Variants in PYGL observed in about 807,000 individuals in gnomAD.
PYGL encodes the protein glycogen phosphorylase, liver form.
PYGL carries 90 observed loss-of-function variants against 100.1 expected under a neutral mutation model. The ratio of observed to expected loss-of-function variants is 0.90; its 90% confidence interval spans 0.76 to 1.07. The LOEUF (loss-of-function observed/expected upper bound fraction) is 1.07, where lower values mean the gene tolerates loss of function less well. PYGL is among the 50% of genes least tolerant of loss of function. The probability of loss-of-function intolerance (pLI) is 0.00; values close to 1 mark genes in which losing one functional copy is unlikely to be tolerated. For synonymous variants in PYGL, 373 were observed against 393.0 expected, an observed-to-expected ratio of 0.95 and a Z score of 0.60; for missense variants, 1,016 against 1,057.6, an observed-to-expected ratio of 0.96 and a Z score of 0.55.
chr14:50,910,025 T>G lies in PYGL; in HGVS notation c.2047A>C (p.Met683Leu), dbSNP rs762261694. 22 of 1,614,220 alleles carry G rather than the reference T, an allele frequency of 1.4e-5. No homozygotes were observed. Among genetic ancestry groups the G allele is most frequent in the Non-Finnish European group, 1.8e-5 (21 of 1,180,020 alleles). Residue 683 changes from methionine (M) to leucine (L), a missense_variant, in exon 17 of 20, where the codon ATG (methionine) becomes CTG (leucine). Coordinates refer to ENST00000216392, the MANE Select transcript of PYGL (RefSeq NM_002863.5). ...CCGATAGTTAGGGCCCCATTTAGCATGAACTTCATATTGCCTGTCCCCGAG... is the reference window on the plus strand; with the variant it reads ...CCGATAGTTAGGGCCCCATTTAGCAGGAACTTCATATTGCCTGTCCCCGAG... ...EASGTGNMKF[M>L]LNGALTIGTM...
chr14:50,913,206 TTC>T (rs1315352127), intron 12 of PYGL, 76 bp from the exon 13 acceptor site: 9 of 1,216,568 alleles, frequency 7.4e-6, no homozygotes, highest in Non-Finnish European at 9.6e-6. Flanking sequence ...CTGTCAGTAT[TTC>T]TCTCTGTCAC....
intron 16 of PYGL, among the ~76,000 whole-genome samples, chr14:50,910,442 T>C (rs1171562019): frequency 6.6e-6 from 1 of 152,130 alleles, no homozygotes; most frequent in African/African-American, 2.4e-5. Flanking sequence ...ATAAAATATA[T>C]TGAAATTTCT....
chr14:50,934,452 T>C (rs2139193798), intron 3 of PYGL, among the ~76,000 whole-genome samples: 1 of 152,050 alleles, frequency 6.6e-6, no homozygotes, highest in African/African-American at 2.4e-5. Flanking sequence ...AGACACTACT[T>C]TTGACCTAGA....
chr14:50,941,518 A>G (rs2050701685), intron 1 of PYGL, among the ~76,000 whole-genome samples: 1 of 152,174 alleles, frequency 6.6e-6, no homozygotes, highest in Non-Finnish European at 1.5e-5. Flanking sequence ...AAATTGGCAA[A>G]CAGTTGAACG....
At chr14:50,919,812 G>A (rs2050484399) in intron 7 of PYGL, among the ~76,000 whole-genome samples, 1 of 152,042 alleles carries the variant, frequency 6.6e-6, no homozygotes, top group Non-Finnish European at 1.5e-5. Flanking sequence ...CTCTCCAGTA[G>A]CTGGGATTAC....
At chr14:50,925,491 A>G (rs2139184294) in intron 4 of PYGL, among the ~76,000 whole-genome samples, 1 of 152,366 alleles carries the variant, frequency 6.6e-6, no homozygotes, top group South Asian at 2.1e-4. Flanking sequence ...ACTCAGCTTT[A>G]GTTTTAGAAG....
chr14:50,926,126 A>G (rs2050545537), intron 4 of PYGL, among the ~76,000 whole-genome samples: 1 of 152,176 alleles, frequency 6.6e-6, no homozygotes. Context: ...TGAGGCAGGA[A>G]GGTCACTTGA....
chr14:50,943,747 G>GTCCC (rs2050721448), intron 1 of PYGL, among the ~76,000 whole-genome samples: 1 of 152,222 alleles, frequency 6.6e-6, no homozygotes, highest in African/African-American at 2.4e-5. Flanking sequence ...TGTCCCTTTT[G>GTCCC]TTTAGGGCTG....
chr14:50,924,630 AG>A (rs2050530909), intron 4 of PYGL, among the ~76,000 whole-genome samples: 1 of 152,130 alleles, frequency 6.6e-6, no homozygotes, highest in Admixed American at 6.5e-5. Context: ...TTATTGGTAT[AG>A]GTACAGAACA....
intron 2 of PYGL, 53 bp from the exon 3 acceptor site, chr14:50,935,238 A>T: frequency 7.0e-7 from 1 of 1,420,614 alleles, no homozygotes; most frequent in South Asian, 1.2e-5. Flanking sequence ...CAGGCCATTC[A>T]GAGGGACAGC....
chr14:50,925,718 C>A (rs2050541362), intron 4 of PYGL, among the ~76,000 whole-genome samples: 1 of 152,186 alleles, frequency 6.6e-6, no homozygotes, highest in African/African-American at 2.4e-5. Context: ...AGCCAGTAAG[C>A]TTCCCACTAA....
intron 2 of PYGL, among the ~76,000 whole-genome samples, chr14:50,935,817 G>A (rs1056955135): frequency 6.6e-6 from 1 of 152,220 alleles, no homozygotes; most frequent in African/African-American, 2.4e-5. Context: ...CCAGTTAGTG[G>A]GTTACTGCCC....
intron 19 of PYGL, 52 bp downstream of exon 19, chr14:50,908,219 T>A: frequency 6.9e-7 from 1 of 1,443,834 alleles, no homozygotes; most frequent in Non-Finnish European, 9.7e-7. Context: ...ACCCACATTT[T>A]AATGAATCAT....
At chr14:50,934,793 G>A (rs1215182213) in intron 3 of PYGL, among the ~76,000 whole-genome samples, 1 of 152,068 alleles carries the variant, frequency 6.6e-6, no homozygotes, top group Admixed American at 6.6e-5. Context: ...CACAGAACTG[G>A]GGTAGTGATC....
In PYGL at chr14:50,920,625, T is replaced by C. The variant is rs2050491591; in HGVS notation, c.773-2A>G. The C allele has an allele frequency of 2.5e-6, 4 of 1,606,382 alleles. No homozygotes were observed. In the African/African-American group the frequency reaches 5.4e-5, roughly 21 times the overall value. Reference sequence around the variant, plus strand: ...CCTGAATGTAGTCTCCAACATTAACTAGGGGAAAGTTAGAGAAACAATAAA... The same window carrying C: ...CCTGAATGTAGTCTCCAACATTAACCAGGGGAAAGTTAGAGAAACAATAAA... On this transcript the variant is annotated splice_acceptor_variant, in intron 6 of 19. Transcript: ENST00000216392. LOFTEE classifies it high-confidence loss of function.
chr14:50,906,582 C>T (rs757178246), intron 19 of PYGL, among the ~76,000 whole-genome samples: 1 of 152,194 alleles, frequency 6.6e-6, no homozygotes, highest in Non-Finnish European at 1.5e-5. Flanking sequence ...AGATGAGCAT[C>T]GTTTGGATTT....
chr14:50,931,852 A>G, intron 3 of PYGL, 76 bp from the exon 4 acceptor site: 1 of 1,153,322 alleles, frequency 8.7e-7, no homozygotes, highest in African/African-American at 1.5e-5. Context: ...CCTAAAACAC[A>G]TGGCAGCCAC....
chr14:50,916,019 C>T, intron 9 of PYGL, 48 bp from the exon 10 acceptor site: 6 of 1,611,726 alleles, frequency 3.7e-6, no homozygotes, highest in Non-Finnish European at 5.1e-6. Flanking sequence ...GTGGGCACCC[C>T]ACTGCACGGG....
At chr14:50,935,274 T>A in intron 2 of PYGL, 89 bp from the exon 3 acceptor site, 1 of 1,070,890 alleles carries the variant, frequency 9.3e-7, no homozygotes, top group Non-Finnish European at 1.4e-6. Flanking sequence ...TGGGTAAAGG[T>A]ATTCAGGTTT....
Sources: allele counts gnomAD v4.1 joint callset (sites outside exome capture counted in the v4.1 genomes callset), GRCh38; gene constraint gnomAD v4.1.1; transcripts MANE v1.5; gene names NCBI Gene and HGNC (gene_info 2026-07-23, HGNC 2026-07-21).